VWA5B1: variants seen among roughly 807,000 people sequenced by gnomAD.
VWA5B1 encodes the protein von Willebrand factor A domain containing 5B1.
VWA5B1 carries 115 observed loss-of-function variants against 118.2 expected under a neutral mutation model. That is an observed-to-expected ratio of 0.97 (90% CI 0.84 to 1.14). VWA5B1 has a LOEUF of 1.14. VWA5B1 is among the 50% of genes most tolerant of loss of function. The pLI is 0.00. For synonymous variants in VWA5B1, 682 were observed against 658.4 expected (o/e 1.04, Z -0.55); for missense variants, 1,596 against 1,603.8 (o/e 1.00, Z 0.08).
intron 1 of VWA5B1, among the ~76,000 whole-genome samples, chr1:20,302,176 T>C (rs921591789): frequency 1.4e-4 from 22 of 152,094 alleles, no homozygotes; most frequent in African/African-American, 4.8e-4. Flanking sequence ...TCCAGGTCTC[T>C]CAGGCAGTGT....
At chr1:20,320,101 A>G (rs1336610850) in intron 7 of VWA5B1, among the ~76,000 whole-genome samples, 2 of 152,128 alleles carry the variant, frequency 1.3e-5, no homozygotes, top group Non-Finnish European at 2.9e-5. Flanking sequence ...CCTCCCGCTC[A>G]TGGTCCTGCA....
At chr1:20,317,155 C>CAAAAA (rs367872784) in intron 4 of VWA5B1, among the ~76,000 whole-genome samples, 3 of 70,514 alleles carry the variant, frequency 4.3e-5, no homozygotes, top group African/African-American at 5.6e-5. Context: ...GACTGCATCT[C>CAAAAA]AAAAAAAAAA....
At chr1:20,313,772 G>A (rs2088917755) in intron 3 of VWA5B1, among the ~76,000 whole-genome samples, 1 of 152,218 alleles carries the variant, frequency 6.6e-6, no homozygotes, top group Non-Finnish European at 1.5e-5. Context: ...ATTTATCACA[G>A]TCTGAAAGGC....
At position 20,336,298 on chromosome 1, in the gene VWA5B1, T is replaced by G; in HGVS notation, c.1759-5T>G. On this transcript the variant is annotated splice_region_variant and splice_polypyrimidine_tract_variant and intron_variant, in intron 12 of 21. Coordinates refer to ENST00000289815, the MANE Select transcript of VWA5B1 (RefSeq NM_001039500.3). ...CCTAGCCCTCTTTTCTGTTTCTCCC[T>G]ACAGGACAAGAGGCGCCGGTACAGC... The G allele has an allele frequency of 7.0e-7, 1 of 1,420,784 alleles. No homozygotes were observed. Among genetic ancestry groups the G allele is most frequent in the Non-Finnish European group, 9.3e-7 (1 of 1,075,128 alleles). The allele number at this position is 1,420,784 out of a possible 1,614,324, so 88.0% of individuals were successfully genotyped here.
intron 14 of VWA5B1, among the ~76,000 whole-genome samples, chr1:20,340,849 T>G (rs1460189472): frequency 1.3e-5 from 2 of 152,220 alleles, no homozygotes; most frequent in Admixed American, 1.3e-4. Flanking sequence ...AACACATGCA[T>G]ACACTATACA....
chr1:20,321,115 A>G (rs1376601560), intron 7 of VWA5B1, among the ~76,000 whole-genome samples: 1 of 148,284 alleles, frequency 6.7e-6, no homozygotes, highest in Non-Finnish European at 1.5e-5. Flanking sequence ...AACAGAGGCA[A>G]AAAAAAAAAA....
intron 8 of VWA5B1, among the ~76,000 whole-genome samples, chr1:20,325,459 C>T (rs1001114939): frequency 6.6e-6 from 1 of 152,180 alleles, no homozygotes; most frequent in African/African-American, 2.4e-5. Flanking sequence ...CCAGGTAGAC[C>T]TCAATTCAAT....
chr1:20,319,553 G>T (rs2089140889), intron 7 of VWA5B1, 47 bp downstream of exon 7: 1 of 1,548,072 alleles, frequency 6.5e-7, no homozygotes, highest in Non-Finnish European at 8.7e-7. Context: ...AGTTGGGGTG[G>T]CGCTGAGGCC....
chr1:20,336,433 T>C lies in VWA5B1; in HGVS notation c.1889T>C (p.Leu630Pro), dbSNP rs2089719148. The C allele has an allele frequency of 6.6e-6, 10 of 1,506,342 alleles. 1 individual carries two copies. In the South Asian group the frequency reaches 1.2e-4, roughly 18 times the overall value. The allele number at this position is 1,506,342 out of a possible 1,614,324, so 93.3% of individuals were successfully genotyped here. ...AAGAACTCGGGGGCACCCTTCATCCTAGGGCAGGCCAAAAATGCCCGGCTA... is the reference window on the plus strand; with the variant it reads ...AAGAACTCGGGGGCACCCTTCATCCCAGGGCAGGCCAAAAATGCCCGGCTA... ...CAKNSGAPFI[L>P]GQAKNARLAS... Residue 630 changes from leucine to proline, a missense_variant, in exon 13 of 22, where the codon CTA becomes CCA. Leu to Pro is a moderately conservative substitution (Grantham distance 98). Coordinates refer to ENST00000289815, the MANE Select transcript of VWA5B1 (RefSeq NM_001039500.3).
At position 20,330,271 on chromosome 1, in the gene VWA5B1, G is replaced by T; in HGVS notation, c.1346G>T (p.Arg449Met). The T allele has an allele frequency of 6.4e-7, 1 of 1,551,796 alleles. No individual in the cohort carries two copies. Among genetic ancestry groups the T allele is most frequent in the South Asian group, 1.2e-5 (1 of 84,066 alleles). Residue 449 changes from arginine (R) to methionine (M), a missense_variant, in exon 10 of 22, where the codon AGG (arginine) becomes ATG (methionine). Coordinates refer to ENST00000289815, the MANE Select transcript of VWA5B1 (RefSeq NM_001039500.3). ...NILSPLKWVI[R>M]QPVHRGHPRL... is the part of the protein sequence containing the mutation. ...CTTTCCCCTCTCAAGTGGGTCATCAGGCAGCCAGTGCACCGAGGCCACCCG... is the reference window on the plus strand; with the variant it reads ...CTTTCCCCTCTCAAGTGGGTCATCATGCAGCCAGTGCACCGAGGCCACCCG...
chr1:20,337,810 G>A lies in VWA5B1; in HGVS notation c.2107G>A (p.Val703Ile), dbSNP rs796842981. The A allele has an allele frequency of 5.8e-6, 9 of 1,551,718 alleles. No individual in the cohort carries two copies. The Admixed American group carries it at 1.6e-4, about 27-fold the overall frequency. The change falls in exon 14 of 22, where the codon GTC becomes ATC. Residue 703 changes from valine to isoleucine, a missense_variant. Physicochemically the swap from Val to Ile is conservative, Grantham distance 29. Coordinates refer to ENST00000289815, the MANE Select transcript of VWA5B1 (RefSeq NM_001039500.3). ...CCTCACCAACCAGACCAGCCTGGAT[G>A]TCCAGCGGTGGCAGATTGATTTGCA... ...QDLTNQTSLD[V>I]QRWQIDLQPL... is the part of the protein sequence containing the mutation.
At chr1:20,314,006 G>T (rs2088926047) in intron 3 of VWA5B1, among the ~76,000 whole-genome samples, 1 of 152,216 alleles carries the variant, frequency 6.6e-6, no homozygotes, top group South Asian at 2.1e-4. Context: ...GATCCCCAAG[G>T]TGGAGGACGC....
intron 8 of VWA5B1, among the ~76,000 whole-genome samples, chr1:20,325,375 T>C (rs2089346545): frequency 2.0e-5 from 3 of 152,190 alleles, no homozygotes; most frequent in Admixed American, 2.0e-4. Flanking sequence ...ATACTTTCTG[T>C]AGAGAGAGAA....
At chr1:20,343,502 C>T in intron 16 of VWA5B1, 109 bp downstream of exon 16, 5 of 1,425,348 alleles carry the variant, frequency 3.5e-6, no homozygotes, top group Non-Finnish European at 3.7e-6. Context: ...CTCAGCCCCG[C>T]GTGGTCCGCC....
rs199994301 is a variant in VWA5B1, at chr1:20,337,734, C to T, written c.2031C>T (p.Asp677=). 1 of 1,551,652 alleles carries T rather than the reference C, an allele frequency of 6.4e-7. No homozygotes were observed. The highest frequency in any genetic ancestry group is 2.0e-5 in the Admixed American group (1 of 50,982). ...TCCCAAGAGCCACCATGGCAAGTGA[C>T]CCCATGCCAGCTGCCAAGAGATACC... ...KPLPRATMAS[D]PMPAAKRYPL... is the part of the protein sequence containing the mutation. The change falls in exon 14 of 22, where the codon GAC becomes GAT. Residue 677 remains aspartate (D), a synonymous_variant. Transcript: ENST00000289815.
intron 1 of VWA5B1, among the ~76,000 whole-genome samples, chr1:20,304,209 T>A (rs903049416): frequency 6.6e-6 from 1 of 152,110 alleles, no homozygotes; most frequent in African/African-American, 2.4e-5. Context: ...TGGGGTGTGA[T>A]AGACAAGGGC....
chr1:20,355,192 CA>C lies in VWA5B1; in HGVS notation c.*930del, dbSNP rs1235706702. 6.6e-6 allele frequency among the ~76,000 whole-genome samples: 1 copy of C among 152,202 alleles called. No individual in the cohort carries two copies. Among genetic ancestry groups the C allele is most frequent in the Non-Finnish European group, 1.5e-5 (1 of 68,036 alleles). ...CACCAAGTAGGTCGCACCATGGGAT[CA>C]GGGGGTCCTCTGGAGCCATGCCACG... On this transcript the variant is annotated 3_prime_UTR_variant, in exon 22 of 22. Coordinates refer to ENST00000289815, the MANE Select transcript of VWA5B1 (RefSeq NM_001039500.3).
intron 21 of VWA5B1, among the ~76,000 whole-genome samples, chr1:20,353,460 G>A (rs2090168973): frequency 6.6e-6 from 1 of 152,162 alleles, no homozygotes; most frequent in South Asian, 2.1e-4. Context: ...GGAGAAAGAG[G>A]AAGGTGAGCT....
chr1:20,315,403 C>T (rs895683933), intron 4 of VWA5B1, among the ~76,000 whole-genome samples: 1 of 152,154 alleles, frequency 6.6e-6, no homozygotes, highest in African/African-American at 2.4e-5. Context: ...CATGACAAGC[C>T]CAGTACTTGG....
Sources: allele counts gnomAD v4.1 joint callset (sites outside exome capture counted in the v4.1 genomes callset), GRCh38; gene constraint gnomAD v4.1.1; transcripts MANE v1.5; gene names NCBI Gene and HGNC (gene_info 2026-07-23, HGNC 2026-07-21).